HNRNPC: variants seen among roughly 807,000 people sequenced by gnomAD.
HNRNPC encodes heterogeneous nuclear ribonucleoproteins C1/C2.
Under a neutral mutation model 33.2 loss-of-function variants are expected in HNRNPC, and 3 were observed. The ratio of observed to expected loss-of-function variants is 0.09; its 90% CI spans 0.04 to 0.23. The LOEUF (loss-of-function observed/expected upper bound fraction) is 0.23, where lower values mean the gene tolerates loss of function less well. Among genes scored for constraint, HNRNPC ranks in the 10% least tolerant of loss-of-function variants. HNRNPC has a pLI of 1.00. For synonymous variants in HNRNPC, 121 were observed against 126.7 expected (o/e 0.96, Z 0.30); for missense variants, 143 against 366.7 (o/e 0.39, Z 4.98).
At chr14:21,241,257 CA>C (rs56033944) in intron 2 of HNRNPC, among the ~76,000 whole-genome samples, 18,759 of 93,794 alleles carry the variant, frequency 0.2, 1,198 homozygotes, top group South Asian at 0.26. Context: ...GACTATGTCT[CA>C]AAAAAAAAAA....
Position 21,227,575 on chromosome 14 carries a change from A to G in HNRNPC, c.365+2744T>C, listed in dbSNP as rs561023852. Among the ~76,000 whole-genome samples, 426 of 152,346 alleles carry G rather than the reference A, an allele frequency of 2.8e-3. 1 individual carries two copies. Among genetic ancestry groups the G allele is most frequent in the Non-Finnish European group, 4.9e-3 (332 of 68,030 alleles). On this transcript the variant is annotated intron_variant, in intron 5 of 8. Transcript: ENST00000553300. ...GTCAAAAACGGAATTACTTTTGCTC[A>G]AACCTAATATATTGTTGTCTATTGA...
At chr14:21,266,227 C>CGAGTAGCTGG (rs1878956964) in intron 1 of HNRNPC, among the ~76,000 whole-genome samples, 1 of 152,142 alleles carries the variant, frequency 6.6e-6, no homozygotes, top group African/African-American at 2.4e-5. Context: ...CTCAGCCTCC[C>CGAGTAGCTGG]GAGTAGCTGG....
Position 21,230,422 on chromosome 14 carries a change from T to C in HNRNPC, c.318-56A>G, listed in dbSNP as rs184716352. ...TGGAAATGTTTCTACTAATTCACAA[T>C]GTCAGGTGAGGGGAGAACCATGCCA... On this transcript the variant is annotated intron_variant, in intron 4 of 8. Transcript: ENST00000553300. 3.9e-5 allele frequency: 51 copies of C among 1,312,950 alleles called. No individual in the cohort carries two copies. In the African/African-American group the frequency reaches 6.8e-4, roughly 18 times the overall value. The allele number at this position is 1,312,950 out of a possible 1,614,324, so 81.3% of individuals were successfully genotyped here.
chr14:21,256,708 G>A lies in HNRNPC; in HGVS notation c.-37+6603C>T, dbSNP rs112550853. Among the ~76,000 whole-genome samples the A allele has an allele frequency of 4.7e-4, 71 of 152,054 alleles. 1 individual carries two copies. The highest frequency in any genetic ancestry group is 1.6e-3 in the African/African-American group (67 of 41,484). Reference sequence around the variant, plus strand: ...CTGTCACCCAGGCTGGAGTGCAATGGTGCGGGTGCGATCTCGGCTCACTGC... The same window carrying A: ...CTGTCACCCAGGCTGGAGTGCAATGATGCGGGTGCGATCTCGGCTCACTGC... On this transcript the variant is annotated intron_variant, in intron 2 of 8. Transcript: ENST00000553300.
chr14:21,242,461 T>G (rs1281356505), intron 2 of HNRNPC, among the ~76,000 whole-genome samples: 2 of 152,158 alleles, frequency 1.3e-5, no homozygotes, highest in Admixed American at 1.3e-4. Context: ...TCCTGTCTGG[T>G]CGTCAGTGCA....
intron 2 of HNRNPC, among the ~76,000 whole-genome samples, chr14:21,243,774 T>C (rs1300528210): frequency 6.6e-6 from 1 of 152,182 alleles, no homozygotes; most frequent in East Asian, 1.9e-4. Context: ...ACTGAATCTT[T>C]TATATAAATC....
Position 21,211,476 on chromosome 14 carries a change from C to G in HNRNPC, c.728G>C (p.Gly243Ala), listed in dbSNP as rs777333624. 4.3e-6 allele frequency: 7 copies of G among 1,612,100 alleles called. No individual in the cohort carries two copies. In the East Asian group the frequency reaches 8.9e-5, roughly 21 times the overall value. Residue 243 changes from glycine (G) to alanine (A), a missense_variant, in exon 8 of 9, where the codon GGT (glycine) becomes GCT (alanine). Physicochemically the swap from Gly to Ala is moderately conservative, Grantham distance 60. Around this residue, in one of 2 missense-constraint regions of HNRNPC, gnomAD observed 131 missense variants for 253.0 expected, o/e 0.52. Coordinates refer to ENST00000553300, the MANE Select transcript of HNRNPC (RefSeq NM_004500.4). ...CCCCTCCTCAGCAGAGTCATCTGCACCCCCCTCAGACTCCATCTTCACATT... is the reference window on the plus strand; with the variant it reads ...CCCCTCCTCAGCAGAGTCATCTGCAGCCCCCTCAGACTCCATCTTCACATT... ...ETNVKMESEG[G>A]ADDSAEEGDL...
At position 21,212,971 on chromosome 14, in the gene HNRNPC, T is replaced by C. The variant is rs755970357; in HGVS notation, c.512A>G (p.Lys171Arg). The change falls in exon 6 of 9, where the codon AAG becomes AGG. Residue 171 changes from lysine (K) to arginine (R), a missense_variant. Lys to Arg is a conservative substitution (Grantham distance 26, BLOSUM62 2). Transcript: ENST00000553300. Reference protein sequence around the residue: ...NSKSGQRGSSKSGKLKGDDLQ... With the variant: ...NSKSGQRGSSRSGKLKGDDLQ... ...GAAATAATACATACACTTTCCAGACTTGGAAGATCCCCGCTGTCCACTCTT... is the reference window on the plus strand; with the variant it reads ...GAAATAATACATACACTTTCCAGACCTGGAAGATCCCCGCTGTCCACTCTT... The C allele has an allele frequency of 1.5e-5, 25 of 1,613,766 alleles. No homozygotes were observed. In the South Asian group the frequency reaches 2.2e-4, roughly 14 times the overall value.
At chr14:21,234,622 C>G (rs1040581253) in intron 2 of HNRNPC, 1 of 167,422 alleles carries the variant, frequency 6.0e-6, no homozygotes, top group South Asian at 1.5e-4. Flanking sequence ...ACAGGTCATG[C>G]TAACTATTCC....
chr14:21,225,387 G>A (rs913562204), intron 5 of HNRNPC, among the ~76,000 whole-genome samples: 5 of 151,188 alleles, frequency 3.3e-5, no homozygotes, highest in African/African-American at 1.2e-4. Flanking sequence ...AGCCGAGATC[G>A]AGCCACTGCA....
intron 5 of HNRNPC, among the ~76,000 whole-genome samples, chr14:21,214,183 C>T (rs769221442): frequency 4.2e-4 from 64 of 152,176 alleles, no homozygotes; most frequent in Admixed American, 1.2e-3. Flanking sequence ...TATAAAAATA[C>T]ACCTACCAAC....
At chr14:21,226,860 C>T (rs1243333732) in intron 5 of HNRNPC, among the ~76,000 whole-genome samples, 1 of 110,590 alleles carries the variant, frequency 9.0e-6, no homozygotes, top group African/African-American at 3.8e-5. Context: ...AGCCTGAGTG[C>T]CAGAAAAGAC....
At chr14:21,251,178 G>A (rs1307407307) in intron 2 of HNRNPC, among the ~76,000 whole-genome samples, 2 of 148,986 alleles carry the variant, frequency 1.3e-5, no homozygotes, top group Non-Finnish European at 3.0e-5. Flanking sequence ...GGAGAATGGT[G>A]GGAACCTGGG....
chr14:21,263,957 T>C (rs1427720376), intron 1 of HNRNPC: 2 of 152,208 alleles, frequency 1.3e-5, no homozygotes, highest in African/African-American at 4.8e-5. Flanking sequence ...TCCACTGGGA[T>C]GGGATAGCCT....
chr14:21,237,223 C>A (rs573286364), intron 2 of HNRNPC, among the ~76,000 whole-genome samples: 47 of 152,316 alleles, frequency 3.1e-4, no homozygotes, highest in African/African-American at 1.1e-3. Context: ...CAAAAGGTAA[C>A]AACCATTATG....
At chr14:21,218,669 G>A (rs189979273) in intron 5 of HNRNPC, among the ~76,000 whole-genome samples, 30 of 77,764 alleles carry the variant, frequency 3.9e-4, no homozygotes, top group African/African-American at 1.6e-3. Context: ...GAGACAAAGC[G>A]AAACTCTCTC....
chr14:21,267,697 AC>A (rs1170012209), intron 1 of HNRNPC, among the ~76,000 whole-genome samples: 6 of 152,194 alleles, frequency 3.9e-5, no homozygotes, highest in African/African-American at 1.4e-4. Context: ...TCGGATATTA[AC>A]TCAAAGAATT....
At chr14:21,269,004 T>C (rs1015199473) in intron 1 of HNRNPC, among the ~76,000 whole-genome samples, 5 of 152,088 alleles carry the variant, frequency 3.3e-5, no homozygotes, top group Non-Finnish European at 7.3e-5. Context: ...TTCATTTTCA[T>C]GATCCCGTAG....
intron 2 of HNRNPC, among the ~76,000 whole-genome samples, chr14:21,236,219 G>A (rs1279566487): frequency 6.6e-6 from 1 of 152,146 alleles, no homozygotes; most frequent in Non-Finnish European, 1.5e-5. Flanking sequence ...AAGGATGCTA[G>A]CAATGGTTGT....
Sources: gnomAD v4.1 joint callset for allele counts (sites outside exome capture counted in the v4.1 genomes callset) on GRCh38, gnomAD v4.1.1 for gene constraint, gnomAD v4.1.1 regional missense constraint, MANE v1.5 for transcripts, NCBI Gene and HGNC (gene_info 2026-07-23, HGNC 2026-07-21) for gene names.